Variants in ST6GALNAC3 observed in about 807,000 individuals in gnomAD.
ST6GALNAC3 encodes ST6 N-acetylgalactosaminide alpha-2,6-sialyltransferase 3.
ST6GALNAC3 carries 25 observed loss-of-function variants against 32.7 expected under a neutral mutation model. The ratio of observed to expected loss-of-function variants is 0.76; its 90% CI spans 0.56 to 1.07. ST6GALNAC3 has a LOEUF of 1.07. Among genes scored for constraint, ST6GALNAC3 ranks in the 50% least tolerant of loss-of-function variants. The pLI is 0.00. For missense variants in ST6GALNAC3, 355 were observed against 382.4 expected, an observed-to-expected ratio of 0.93 and a Z score of 0.60; for synonymous variants, 129 against 133.1, an observed-to-expected ratio of 0.97 and a Z score of 0.21.
intron 2 of ST6GALNAC3, among the ~76,000 whole-genome samples, chr1:76,330,148 G>C (rs557758778): frequency 6.6e-6 from 1 of 150,804 alleles, no homozygotes; most frequent in African/African-American, 2.4e-5. Context: ...AACACAGGAG[G>C]GTTAAGTAAT....
At chr1:76,347,311 T>A (rs1648603001) in intron 2 of ST6GALNAC3, among the ~76,000 whole-genome samples, 2 of 152,098 alleles carry the variant, frequency 1.3e-5, no homozygotes, top group Non-Finnish European at 2.9e-5. Context: ...ATATATGACT[T>A]AAAAACGTTA....
intron 3 of ST6GALNAC3, among the ~76,000 whole-genome samples, chr1:76,508,999 A>G (rs1467245950): frequency 6.6e-6 from 1 of 152,222 alleles, no homozygotes; most frequent in African/African-American, 2.4e-5. Flanking sequence ...AGTAGGACAG[A>G]ATAGGCTAGG....
intron 3 of ST6GALNAC3, among the ~76,000 whole-genome samples, chr1:76,473,864 GCA>G (rs1659185088): frequency 6.6e-6 from 1 of 152,134 alleles, no homozygotes; most frequent in South Asian, 2.1e-4. Context: ...GGCAAAAGTA[GCA>G]CAGTGTGACT....
intron 3 of ST6GALNAC3, among the ~76,000 whole-genome samples, chr1:76,587,879 T>C (rs1455040919): frequency 2.0e-5 from 3 of 152,166 alleles, no homozygotes; most frequent in African/African-American, 7.2e-5. Context: ...TGCTACTGGC[T>C]GTGGCAGCAC....
At chr1:76,412,652 C>T (rs1654343061) in intron 3 of ST6GALNAC3, among the ~76,000 whole-genome samples, 1 of 151,994 alleles carries the variant, frequency 6.6e-6, no homozygotes, top group Admixed American at 6.6e-5. Context: ...TGGATACTTC[C>T]CCAAGGTATC....
intron 2 of ST6GALNAC3, among the ~76,000 whole-genome samples, chr1:76,399,480 T>C (rs936391742): frequency 1.3e-5 from 2 of 152,214 alleles, no homozygotes; most frequent in African/African-American, 4.8e-5. Context: ...GTCTTTATTA[T>C]GTTGCATGGG....
chr1:76,339,692 TG>T (rs1441423334), intron 2 of ST6GALNAC3, among the ~76,000 whole-genome samples: 5 of 152,176 alleles, frequency 3.3e-5, no homozygotes, highest in Admixed American at 3.3e-4. Context: ...GTGCCTACTA[TG>T]TGTCCACCAT....
chr1:76,310,368 A>C (rs1333217114), intron 1 of ST6GALNAC3, among the ~76,000 whole-genome samples: 1 of 152,134 alleles, frequency 6.6e-6, no homozygotes, highest in Non-Finnish European at 1.5e-5. Context: ...ACAGTTTTTC[A>C]TGATTAGAAG....
At chr1:76,585,404 A>C (rs1164018955) in intron 3 of ST6GALNAC3, among the ~76,000 whole-genome samples, 3 of 151,984 alleles carry the variant, frequency 2.0e-5, no homozygotes, top group African/African-American at 4.8e-5. Flanking sequence ...AAAAAAAAAA[A>C]AACTATAAAT....
intron 1 of ST6GALNAC3, among the ~76,000 whole-genome samples, chr1:76,084,335 T>C (rs539207043): frequency 1.3e-5 from 2 of 152,318 alleles, no homozygotes. Flanking sequence ...AGTCCTCAGT[T>C]TCACCATATC....
chr1:76,433,878 CAG>C (rs1160039185), intron 3 of ST6GALNAC3, among the ~76,000 whole-genome samples: 1 of 152,180 alleles, frequency 6.6e-6, no homozygotes, highest in Non-Finnish European at 1.5e-5. Flanking sequence ...TGATAGCAGA[CAG>C]GGGTGACATG....
At chr1:76,416,072 CACAT>C (rs760798756) in intron 3 of ST6GALNAC3, among the ~76,000 whole-genome samples, 2,525 of 137,622 alleles carry the variant, frequency 0.018, 29 homozygotes, top group Non-Finnish European at 0.029. Context: ...CACACACACA[CACAT>C]AATCTTAGAA....
chr1:76,406,443 A>G (rs1055096985), intron 2 of ST6GALNAC3, among the ~76,000 whole-genome samples: 1 of 152,108 alleles, frequency 6.6e-6, no homozygotes, highest in African/African-American at 2.4e-5. Flanking sequence ...TTGAGTAAGC[A>G]GATGTGAAGG....
intron 3 of ST6GALNAC3, among the ~76,000 whole-genome samples, chr1:76,527,791 G>C (rs1663005374): frequency 6.6e-6 from 1 of 152,078 alleles, no homozygotes; most frequent in African/African-American, 2.4e-5. Flanking sequence ...TTGGTAAAGT[G>C]GCCATTTAGT....
At chr1:76,114,928 A>G (rs1648354021) in intron 1 of ST6GALNAC3, among the ~76,000 whole-genome samples, 1 of 151,986 alleles carries the variant, frequency 6.6e-6, no homozygotes, top group Non-Finnish European at 1.5e-5. Context: ...AAAAAAAAAA[A>G]AAAAAAGAAA....
intron 1 of ST6GALNAC3, among the ~76,000 whole-genome samples, chr1:76,231,973 G>A (rs1303015372): frequency 6.6e-6 from 1 of 152,182 alleles, no homozygotes; most frequent in East Asian, 1.9e-4. Context: ...ACACCTAACT[G>A]AATTTTGACA....
At chr1:76,326,556 T>C (rs1647073782) in intron 2 of ST6GALNAC3, among the ~76,000 whole-genome samples, 1 of 151,576 alleles carries the variant, frequency 6.6e-6, no homozygotes, top group African/African-American at 2.4e-5. Flanking sequence ...TACTAATATC[T>C]TATCTACACA....
chr1:76,200,005 A>G (rs553620614), intron 1 of ST6GALNAC3, among the ~76,000 whole-genome samples: 32 of 152,310 alleles, frequency 2.1e-4, no homozygotes, highest in African/African-American at 7.2e-4. Context: ...AAATGGAAAA[A>G]TGTGGGTGGA....
intron 1 of ST6GALNAC3, among the ~76,000 whole-genome samples, chr1:76,278,583 TG>T (rs916172711): frequency 2.0e-5 from 3 of 151,858 alleles, no homozygotes; most frequent in Non-Finnish European, 4.4e-5. Flanking sequence ...CTCTACTTTT[TG>T]AGGAAACCAA....
Sources: gnomAD v4.1 joint callset for allele counts (sites outside exome capture counted in the v4.1 genomes callset) on GRCh38, gnomAD v4.1.1 for gene constraint, MANE v1.5 for transcripts, NCBI Gene and HGNC (gene_info 2026-07-23, HGNC 2026-07-21) for gene names.